Variants in VWA3B observed in about 807,000 individuals in gnomAD.
VWA3B encodes von Willebrand factor A domain-containing protein 3B.
A neutral mutation model predicts 158.3 loss-of-function variants in VWA3B; 138 were observed. The observed-to-expected ratio is 0.87, with a 90% CI of 0.76 to 1.00. The LOEUF (loss-of-function observed/expected upper bound fraction) is 1.00. Ranked by LOEUF, VWA3B falls within the 50% of genes least tolerant of loss-of-function variation. The probability of loss-of-function intolerance (pLI) is 0.00; values close to 1 mark genes in which losing one functional copy is unlikely to be tolerated. For synonymous variants in VWA3B, 596 were observed against 587.3 expected, an observed-to-expected ratio of 1.01 and a Z score of -0.21; for missense variants, 1,555 against 1,565.1, an observed-to-expected ratio of 0.99 and a Z score of 0.11.
the VWA3B span, among the ~76,000 whole-genome samples, chr2:98,328,095 C>T: frequency 3.3e-5 from 5 of 152,154 alleles, no homozygotes; most frequent in Admixed American, 6.5e-5. Flanking sequence ...CTACAAGGGA[C>T]CTCACCTCTC....
chr2:98,250,887 A>T (rs1384558287), intron 20 of VWA3B, among the ~76,000 whole-genome samples: 2 of 152,108 alleles, frequency 1.3e-5, no homozygotes, highest in Non-Finnish European at 2.9e-5. Flanking sequence ...ACAAATATAT[A>T]CACCTACTGT....
At chr2:98,149,355 G>A (rs1339407634) in intron 7 of VWA3B, among the ~76,000 whole-genome samples, 6 of 152,138 alleles carry the variant, frequency 3.9e-5, no homozygotes, top group Non-Finnish European at 5.9e-5. Context: ...TATTGAAAAC[G>A]AAAGTACCCT....
At chr2:98,127,826 G>A (rs567470670) in intron 5 of VWA3B, among the ~76,000 whole-genome samples, 209 of 152,322 alleles carry the variant, frequency 1.4e-3, no homozygotes, top group Middle Eastern at 6.8e-3. Context: ...CTTAGACAGA[G>A]GATGCATGAG....
chr2:98,323,991 A>T, the VWA3B span, among the ~76,000 whole-genome samples: 1 of 152,198 alleles, frequency 6.6e-6, no homozygotes, highest in Non-Finnish European at 1.5e-5. Flanking sequence ...GGTAAGTACC[A>T]CACGTGGAGG....
At chr2:98,110,746 G>T (rs1180214426) in intron 2 of VWA3B, among the ~76,000 whole-genome samples, 1 of 152,156 alleles carries the variant, frequency 6.6e-6, no homozygotes, top group East Asian at 1.9e-4. Context: ...ATACAGTCTG[G>T]CTGTGTCTCT....
At chr2:98,233,257 C>A (rs939358194) in intron 16 of VWA3B, among the ~76,000 whole-genome samples, 2 of 152,090 alleles carry the variant, frequency 1.3e-5, no homozygotes, top group Non-Finnish European at 2.9e-5. Context: ...ATTTTGTTTC[C>A]ATTGGTGATG....
At chr2:98,146,125 C>T (rs1677158885) in intron 7 of VWA3B, among the ~76,000 whole-genome samples, 1 of 152,054 alleles carries the variant, frequency 6.6e-6, no homozygotes, top group South Asian at 2.1e-4. Flanking sequence ...GTTCTTTCCT[C>T]AGGGAGATGA....
At chr2:98,304,427 G>A (rs1690389580) in intron 26 of VWA3B, among the ~76,000 whole-genome samples, 1 of 152,138 alleles carries the variant, frequency 6.6e-6, no homozygotes, top group Admixed American at 6.5e-5. Flanking sequence ...GATGAAGTTG[G>A]ATGTTGAGCA....
chr2:98,328,158 C>T, the VWA3B span, among the ~76,000 whole-genome samples: 3 of 152,188 alleles, frequency 2.0e-5, no homozygotes, highest in Admixed American at 1.3e-4. Context: ...GTTACTGCCA[C>T]TCATGGTGAT....
chr2:98,102,972 A>G (rs1180364766), intron 2 of VWA3B, among the ~76,000 whole-genome samples: 1 of 152,246 alleles, frequency 6.6e-6, no homozygotes, highest in Non-Finnish European at 1.5e-5. Flanking sequence ...TTTCCTCAAC[A>G]TTCTCTAATA....
intron 3 of VWA3B, among the ~76,000 whole-genome samples, chr2:98,118,562 A>T (rs1416399034): frequency 6.6e-6 from 1 of 152,166 alleles, no homozygotes; most frequent in African/African-American, 2.4e-5. Context: ...GAGCTCACTA[A>T]AAAGCTAATT....
chr2:98,112,735 T>C (rs1478299429), intron 2 of VWA3B, among the ~76,000 whole-genome samples: 2 of 152,080 alleles, frequency 1.3e-5, no homozygotes, highest in African/African-American at 4.8e-5. Flanking sequence ...AATCTATTTT[T>C]ACGCCCTATC....
chr2:98,285,646 G>T (rs1377037053), intron 22 of VWA3B, among the ~76,000 whole-genome samples: 1 of 151,252 alleles, frequency 6.6e-6, no homozygotes, highest in African/African-American at 2.4e-5. Flanking sequence ...GATGACTGTA[G>T]GTATAGGAAG....
intron 7 of VWA3B, among the ~76,000 whole-genome samples, chr2:98,158,118 G>A (rs184497881): frequency 6.6e-6 from 1 of 152,198 alleles, no homozygotes; most frequent in East Asian, 1.9e-4. Context: ...AGAGTTTCTT[G>A]TAATCATGAG....
At chr2:98,098,377 A>G (rs1458163562) in intron 2 of VWA3B, among the ~76,000 whole-genome samples, 2 of 152,028 alleles carry the variant, frequency 1.3e-5, no homozygotes, top group African/African-American at 2.4e-5. Context: ...ATCTATTAAT[A>G]TTTTCTTAAT....
At chr2:98,297,166 C>A (rs1258206457) in intron 23 of VWA3B, among the ~76,000 whole-genome samples, 1 of 152,008 alleles carries the variant, frequency 6.6e-6, no homozygotes, top group East Asian at 1.9e-4. Context: ...ACTGCAACCT[C>A]CACCTCCCGG....
intron 25 of VWA3B, 66 bp downstream of exon 25, chr2:98,300,282 C>T: frequency 3.1e-6 from 5 of 1,595,938 alleles, no homozygotes; most frequent in South Asian, 2.3e-5. Flanking sequence ...CCTGGCACTG[C>T]CAGGCTTCTT....
chr2:98,229,476 C>A (rs909066407), intron 15 of VWA3B, among the ~76,000 whole-genome samples: 2 of 152,204 alleles, frequency 1.3e-5, no homozygotes, highest in East Asian at 3.8e-4. Flanking sequence ...CTGTCTTCAG[C>A]GCTTCAGAGA....
intron 21 of VWA3B, among the ~76,000 whole-genome samples, chr2:98,262,717 T>C (rs1424062779): frequency 6.6e-6 from 1 of 151,878 alleles, no homozygotes; most frequent in Non-Finnish European, 1.5e-5. Context: ...TATCTGGAAG[T>C]ATGAGGCCTC....
Sources: allele counts gnomAD v4.1 joint callset (sites outside exome capture counted in the v4.1 genomes callset), GRCh38; gene constraint gnomAD v4.1.1; transcripts MANE v1.5; gene names NCBI Gene and HGNC (gene_info 2026-07-23, HGNC 2026-07-21).